The following CSNK1D variants were observed in gnomAD, a reference collection of about 807,000 sequenced individuals.
CSNK1D encodes the protein casein kinase I isoform delta.
In CSNK1D, 16 loss-of-function variants were observed where a neutral mutation model predicts 46.6. The ratio of observed to expected loss-of-function variants is 0.34; its 90% CI spans 0.23 to 0.52. The LOEUF (loss-of-function observed/expected upper bound fraction) is 0.52, where lower values mean the gene tolerates loss of function less well. CSNK1D is among the 20% of genes least tolerant of loss of function. The pLI is 0.95. For synonymous variants in CSNK1D, 276 were observed against 228.2 expected, an observed-to-expected ratio of 1.21 and a Z score of -1.89; for missense variants, 398 against 578.4, an observed-to-expected ratio of 0.69 and a Z score of 3.20.
At chr17:82,258,852 C>T (rs994799898) in intron 2 of CSNK1D, among the ~76,000 whole-genome samples, 1 of 152,216 alleles carries the variant, frequency 6.6e-6, no homozygotes, top group African/African-American at 2.4e-5. Context: ...GGCTGTCCTC[C>T]TTCTAAGCCC....
rs2051015596 is a variant in CSNK1D, at chr17:82,251,767, G to A, written c.737-240C>T. The A allele has an allele frequency of 3.8e-6, 2 of 523,516 alleles. No individual in the cohort carries two copies. Among genetic ancestry groups the A allele is most frequent in the South Asian group, 1.9e-5 (1 of 52,222 alleles). 32.4% of individuals were successfully genotyped at this position (523,516 alleles called of 1,614,324 possible). A position where few individuals can be genotyped will look rare whatever the true frequency, so the allele number is the denominator to read the frequency against. The stretch of plus-strand genomic sequence containing the variant: ...GCACTCTAGGAGGCTGAGGAGGGCG[G>A]ATCACGAGGTCAGGAGATCAAGACC... On this transcript the variant is annotated intron_variant, in intron 5 of 8. Coordinates refer to ENST00000314028, the MANE Select transcript of CSNK1D (RefSeq NM_001893.6). This position sits in a 1 kb window ranked among gnomAD's most constrained non-coding sequence, Gnocchi z 4.5.
intron 2 of CSNK1D, among the ~76,000 whole-genome samples, chr17:82,261,830 A>G (rs1246636195): frequency 1.3e-5 from 2 of 152,234 alleles, no homozygotes; most frequent in Admixed American, 1.3e-4. Flanking sequence ...GATGGAAGAC[A>G]GTCGCCCACC....
At chr17:82,267,264 G>A (rs975005866) in intron 1 of CSNK1D, among the ~76,000 whole-genome samples, 2 of 152,148 alleles carry the variant, frequency 1.3e-5, no homozygotes, top group Admixed American at 6.5e-5. Flanking sequence ...GAGGTCTGAC[G>A]TCTGTTTCAT....
intron 1 of CSNK1D, among the ~76,000 whole-genome samples, chr17:82,270,749 GA>G (rs548763934): frequency 0.013 from 1,946 of 148,100 alleles, 21 homozygotes; most frequent in Middle Eastern, 0.024. Flanking sequence ...ATGCTGATGG[GA>G]AAAAAAAAAA....
chr17:82,252,256 A>G lies in CSNK1D; in HGVS notation c.736+178T>C, dbSNP rs1002480679. 1.3e-5 allele frequency among the ~76,000 whole-genome samples: 2 copies of G among 152,172 alleles called. No individual in the cohort carries two copies. Among genetic ancestry groups the G allele is most frequent in the Non-Finnish European group, 1.5e-5 (1 of 68,028 alleles). ...ATGGGCACTTGGCAAGTAAGTCAAG[A>G]TGAACAGGAGGGCAGGCTGTTACCT... On this transcript the variant is annotated intron_variant, in intron 5 of 8. Transcript: ENST00000314028. This position sits in a 1 kb window ranked among gnomAD's most constrained non-coding sequence, Gnocchi z 4.6.
At chr17:82,272,149 G>A (rs1333923564) in intron 1 of CSNK1D, 2 of 152,338 alleles carry the variant, frequency 1.3e-5, no homozygotes, top group African/African-American at 2.4e-5. Context: ...TTCGAGACCA[G>A]CCTTGACCAA....
chr17:82,263,123 T>C (rs1157602111), intron 2 of CSNK1D, among the ~76,000 whole-genome samples: 4 of 152,176 alleles, frequency 2.6e-5, no homozygotes, highest in Non-Finnish European at 5.9e-5. Context: ...GAGGTTGCAG[T>C]GGGCCAAGAT....
At chr17:82,264,671 C>T (rs1437868023) in intron 2 of CSNK1D, among the ~76,000 whole-genome samples, 1 of 152,172 alleles carries the variant, frequency 6.6e-6, no homozygotes, top group Non-Finnish European at 1.5e-5. Context: ...GGAGCAGAGG[C>T]CTCACTCAGG....
chr17:82,273,161 C>G lies in CSNK1D; in HGVS notation c.76+145G>C, dbSNP rs2051681479. On this transcript the variant is annotated intron_variant, in intron 1 of 8. Transcript: ENST00000314028. The surrounding 1 kb of genome is among the most constrained non-coding windows in gnomAD (Gnocchi z 5.1). ...CCCCTGGCCGCGCTAGCCTAGTGGC[C>G]GTTGGGTTCTGGCCACGATCCGGCG... 1.2e-6 allele frequency: 1 copy of G among 814,514 alleles called. No individual in the cohort carries two copies. The highest frequency in any genetic ancestry group is 1.9e-6 in the Non-Finnish European group (1 of 521,600). The allele number at this position is 814,514 out of a possible 1,614,324, so 50.5% of individuals were successfully genotyped here.
At position 82,273,282 on chromosome 17, in the gene CSNK1D, CGGGCGG is replaced by C. The variant is rs1298954803; in HGVS notation, c.76+18_76+23del. The C allele has an allele frequency of 6.3e-7, 1 of 1,593,348 alleles. No homozygotes were observed. The highest frequency in any genetic ancestry group is 1.4e-5 in the African/African-American group (1 of 73,512). On this transcript the variant is annotated intron_variant, in intron 1 of 8. Transcript: ENST00000314028. The surrounding 1 kb of genome is among the most constrained non-coding windows in gnomAD (Gnocchi z 5.1). Reference sequence around the variant, plus strand: ...CCGCAGGGCCCGGGTCTTCGGGCGGCGGGCGGGGGCGGCGGGGCCTCACCGAGATAG... The same window carrying C: ...CCGCAGGGCCCGGGTCTTCGGGCGGCGGGCGGCGGGGCCTCACCGAGATAG...
chr17:82,260,341 C>CTGACTGATG (rs1261584242), intron 2 of CSNK1D, among the ~76,000 whole-genome samples: 4 of 137,238 alleles, frequency 2.9e-5, no homozygotes, highest in South Asian at 2.2e-4. Flanking sequence ...TGATGGTGTA[C>CTGACTGATG]TGACTGATGT....
chr17:82,252,922 C>A lies in CSNK1D; in HGVS notation c.565+94G>T. ...CAAAGGTCTGATGACACGCTTGCAG[C>A]CCCAGCTCCCCGAGAGGCTGGCCTC... is the stretch of plus-strand genomic sequence containing the variant. On this transcript the variant is annotated intron_variant, in intron 4 of 8. Transcript: ENST00000314028. The surrounding 1 kb of genome is among the most constrained non-coding windows in gnomAD (Gnocchi z 4.6). 1 of 1,181,398 alleles carries A rather than the reference C, an allele frequency of 8.5e-7. No homozygotes were observed. The highest frequency in any genetic ancestry group is 1.3e-5 in the South Asian group (1 of 79,006). 73.2% of individuals were successfully genotyped at this position (1,181,398 alleles called of 1,614,324 possible).
intron 8 of CSNK1D, chr17:82,247,270 A>G: frequency 1.0e-6 from 1 of 985,314 alleles, no homozygotes; most frequent in Non-Finnish European, 1.2e-6. Flanking sequence ...ATGGAAGGAG[A>G]CACTGCTCAC....
rs1208717813 is a variant in CSNK1D at position 82,252,411 on chromosome 17, A to C, written c.736+23T>G. 1 of 1,613,812 alleles carries C rather than the reference A, an allele frequency of 6.2e-7. No individual in the cohort carries two copies. Among genetic ancestry groups the C allele is most frequent in the Non-Finnish European group, 8.5e-7 (1 of 1,179,878 alleles). On this transcript the variant is annotated intron_variant, in intron 5 of 8. Coordinates refer to ENST00000314028, the MANE Select transcript of CSNK1D (RefSeq NM_001893.6). This position sits in a 1 kb window ranked among gnomAD's most constrained non-coding sequence, Gnocchi z 4.6. Reference sequence around the variant, plus strand: ...GCAACCCCTGTGAGCAGCTCCGCTGAGAAGAGGCCTCCAGAGACTTACAAG... The same window carrying C: ...GCAACCCCTGTGAGCAGCTCCGCTGCGAAGAGGCCTCCAGAGACTTACAAG...
At position 82,249,225 on chromosome 17, in the gene CSNK1D, A is replaced by ATC. The variant is rs2050932693; in HGVS notation, c.1057+205_1057+206insGA. ...AAGGGGCTCACAGGGGAGGAACGTGAGATGCGGGAGGAATCACGCACACCA... is the reference window on the plus strand; with the variant it reads ...AAGGGGCTCACAGGGGAGGAACGTGATCGATGCGGGAGGAATCACGCACACCA... On this transcript the variant is annotated intron_variant, in intron 7 of 8. Coordinates refer to ENST00000314028, the MANE Select transcript of CSNK1D (RefSeq NM_001893.6). This position sits in a 1 kb window ranked among gnomAD's most constrained non-coding sequence, Gnocchi z 6.7. 5 of 760,720 alleles carry ATC rather than the reference A, an allele frequency of 6.6e-6. No individual in the cohort carries two copies. Among genetic ancestry groups the ATC allele is most frequent in the Non-Finnish European group, 1.0e-5 (5 of 480,216 alleles). The allele number at this position is 760,720 out of a possible 1,614,324, so 47.1% of individuals were successfully genotyped here. A position where few individuals can be genotyped will look rare whatever the true frequency, so the allele number is the denominator to read the frequency against.
rs2050971486 is a variant in CSNK1D at position 82,250,362 on chromosome 17, C to G, written c.886-760G>C. On this transcript the variant is annotated intron_variant, in intron 6 of 8. Transcript: ENST00000314028. This position sits in a 1 kb window ranked among gnomAD's most constrained non-coding sequence, Gnocchi z 4.6. ...GCAGCACCGTGCGGCCAGCACCGCC[C>G]AGACTCCTCATGCTGCCATTTACGG... The G allele has an allele frequency of 2.3e-6, 1 of 435,956 alleles. No homozygotes were observed. Among genetic ancestry groups the G allele is most frequent in the Admixed American group, 3.0e-5 (1 of 33,698 alleles). 27.0% of individuals were successfully genotyped at this position (435,956 alleles called of 1,614,324 possible).
intron 8 of CSNK1D, chr17:82,246,437 G>A: frequency 8.6e-7 from 1 of 1,168,448 alleles, no homozygotes; most frequent in Non-Finnish European, 1.1e-6. Flanking sequence ...CCTAGTCCTG[G>A]GCAGGAGTTG....
At chr17:82,272,413 A>G (rs762829875) in intron 1 of CSNK1D, 1 of 152,254 alleles carries the variant, frequency 6.6e-6, no homozygotes, top group Non-Finnish European at 1.5e-5. Context: ...GTTCACGTGC[A>G]TATTTTTCCA....
chr17:82,272,633 G>A (rs1040623084), intron 1 of CSNK1D, among the ~76,000 whole-genome samples: 17 of 152,128 alleles, frequency 1.1e-4, no homozygotes, highest in African/African-American at 4.1e-4. Context: ...AGGCCAAGGG[G>A]AACCGTTCAG....
Sources: allele counts gnomAD v4.1 joint callset (sites outside exome capture counted in the v4.1 genomes callset), GRCh38; gene constraint gnomAD v4.1.1; non-coding constraint Gnocchi (gnomAD v3.1); transcripts MANE v1.5; gene names NCBI Gene and HGNC (gene_info 2026-07-23, HGNC 2026-07-21).